Variants in HDAC8 observed in about 807,000 individuals in gnomAD.
HDAC8 encodes histone deacetylase 8.
HDAC8 carries 1 observed loss-of-function variant against 32.2 expected under a neutral mutation model. The ratio of observed to expected loss-of-function variants is 0.03; its 90% CI spans 0.01 to 0.15. HDAC8 has a LOEUF of 0.15. Ranked by LOEUF, HDAC8 falls within the 10% of genes least tolerant of loss-of-function variation. The probability of loss-of-function intolerance (pLI) is 1.00; values close to 1 mark genes in which losing one functional copy is unlikely to be tolerated. For synonymous variants in HDAC8, 108 were observed against 113.9 expected (o/e 0.95, Z 0.33); for missense variants, 117 against 300.0 (o/e 0.39, Z 4.51).
intron 4 of HDAC8, among the ~76,000 whole-genome samples, chrX:72,512,521 G>A (rs782079560): frequency 6.3e-5 from 7 of 111,802 alleles, no homozygotes; most frequent in Non-Finnish European, 1.3e-4. Context: ...TCCAAACCTC[G>A]AAGCTGTCTT....
intron 9 of HDAC8, among the ~76,000 whole-genome samples, chrX:72,358,888 T>C (rs2044451647): frequency 1.8e-5 from 2 of 111,401 alleles, no homozygotes; most frequent in Non-Finnish European, 3.8e-5. Context: ...CAGTTCACAA[T>C]AGGGTTCACA....
chrX:72,476,542 C>T (rs1214654750), intron 7 of HDAC8, among the ~76,000 whole-genome samples: 1 of 111,243 alleles, frequency 9.0e-6, no homozygotes, highest in Non-Finnish European at 1.9e-5. Context: ...CCCTTTGCAA[C>T]CCCTACAGCA....
chrX:72,360,808 G>A (rs1046966385), intron 9 of HDAC8, among the ~76,000 whole-genome samples: 2 of 112,492 alleles, frequency 1.8e-5, no homozygotes, highest in Admixed American at 1.9e-4. Flanking sequence ...GAAATTCAGT[G>A]AATACATATG....
intron 9 of HDAC8, among the ~76,000 whole-genome samples, chrX:72,387,980 AGATGACATGGG>A (rs1277830546): frequency 9.0e-6 from 1 of 111,086 alleles, no homozygotes; most frequent in Admixed American, 9.6e-5. Flanking sequence ...CTTCACAGAC[AGATGACATGGG>A]GATTGGAATT....
At chrX:72,560,691 G>A (rs1263532013) in intron 4 of HDAC8, among the ~76,000 whole-genome samples, 1 of 108,438 alleles carries the variant, frequency 9.2e-6, no homozygotes, top group Non-Finnish European at 1.9e-5. Context: ...GTTCTTTGTA[G>A]ATGGCCCTCA....
intron 7 of HDAC8, among the ~76,000 whole-genome samples, chrX:72,478,398 T>C (rs919968436): frequency 9.0e-6 from 1 of 111,495 alleles, no homozygotes; most frequent in Non-Finnish European, 1.9e-5. Flanking sequence ...TGTATTTAAA[T>C]AGGATAGATA....
chrX:72,357,405 G>T (rs2044401266), intron 9 of HDAC8, among the ~76,000 whole-genome samples: 1 of 110,165 alleles, frequency 9.1e-6, no homozygotes, highest in Non-Finnish European at 1.9e-5. Flanking sequence ...ATGGTTGCTG[G>T]GGGTGGGGGG....
chrX:72,415,015 A>T, intron 9 of HDAC8, among the ~76,000 whole-genome samples: 1 of 112,473 alleles, frequency 8.9e-6, no homozygotes, highest in East Asian at 2.8e-4. Context: ...TCCATTGTAA[A>T]TTAATGTAAC....
chrX:72,533,814 CT>C (rs1482676621), intron 4 of HDAC8, among the ~76,000 whole-genome samples: 2 of 111,353 alleles, frequency 1.8e-5, no homozygotes, highest in African/African-American at 6.5e-5. Flanking sequence ...GATCCAACAC[CT>C]TTTCACGATA....
chrX:72,463,743 G>A (rs2047931273), intron 8 of HDAC8, among the ~76,000 whole-genome samples: 1 of 111,510 alleles, frequency 9.0e-6, no homozygotes, highest in Non-Finnish European at 1.9e-5. Context: ...ATTTAATAAG[G>A]CCTCCCCACA....
At chrX:72,349,210 C>T (rs2044110219) in intron 10 of HDAC8, among the ~76,000 whole-genome samples, 1 of 112,370 alleles carries the variant, frequency 8.9e-6, no homozygotes, top group Admixed American at 9.4e-5. Context: ...ACCACATCCC[C>T]GAGGTCTTCT....
chrX:72,427,642 C>T (rs1435704275), intron 9 of HDAC8, among the ~76,000 whole-genome samples: 6 of 104,123 alleles, frequency 5.8e-5, no homozygotes, highest in Non-Finnish European at 7.9e-5. Context: ...ATACCTAATG[C>T]TAAATGACGA....
intron 9 of HDAC8, among the ~76,000 whole-genome samples, chrX:72,443,793 A>G (rs2047265477): frequency 9.1e-6 from 1 of 109,419 alleles, no homozygotes; most frequent in Non-Finnish European, 1.9e-5. Context: ...CGCTAGCAAG[A>G]CTAATAAAGA....
chrX:72,471,961 A>G (rs1212043738), intron 7 of HDAC8, among the ~76,000 whole-genome samples: 2 of 112,212 alleles, frequency 1.8e-5, no homozygotes, highest in East Asian at 5.5e-4. Flanking sequence ...GTTTTCATCT[A>G]AGAGTTTTAT....
chrX:72,567,267 G>A (rs1373396781), intron 4 of HDAC8, among the ~76,000 whole-genome samples: 2 of 112,300 alleles, frequency 1.8e-5, no homozygotes, highest in Non-Finnish European at 3.8e-5. Flanking sequence ...CCTCTGGGTT[G>A]CTACTTTCAT....
intron 4 of HDAC8, among the ~76,000 whole-genome samples, chrX:72,507,885 A>C (rs1370775043): frequency 8.9e-6 from 1 of 112,174 alleles, no homozygotes; most frequent in Non-Finnish European, 1.9e-5. Context: ...CCACAAAATC[A>C]ATCTTTAAGA....
At chrX:72,380,273 A>C (rs2045231194) in intron 9 of HDAC8, among the ~76,000 whole-genome samples, 1 of 111,823 alleles carries the variant, frequency 8.9e-6, no homozygotes, top group Non-Finnish European at 1.9e-5. Flanking sequence ...GTCTCTAATT[A>C]TTTTTGACAA....
At chrX:72,398,558 C>T in intron 9 of HDAC8, among the ~76,000 whole-genome samples, 1 of 106,107 alleles carries the variant, frequency 9.4e-6, no homozygotes, top group Middle Eastern at 4.8e-3. Context: ...TGGTCTCAAA[C>T]TCTTGGCCTC....
Position 72,329,753 on chromosome X carries a change from A to C in HDAC8, c.*301T>G. 2 of 1,146,119 alleles carry C rather than the reference A, an allele frequency of 1.7e-6. No individual in the cohort carries two copies. Among genetic ancestry groups the C allele is most frequent in the Non-Finnish European group, 2.3e-6 (2 of 858,914 alleles). 94.5% of individuals were successfully genotyped at this position (1,146,119 alleles called of 1,213,427 possible). ...GATGATTAAAATACTCCCCTCCCCA[A>C]TTCGCTTAAAAATAATTTTCAAAGA... On this transcript the variant is annotated 3_prime_UTR_variant, in exon 11 of 11. Coordinates refer to ENST00000373573, the MANE Select transcript of HDAC8 (RefSeq NM_018486.3).
Sources: gnomAD v4.1 joint callset for allele counts (sites outside exome capture counted in the v4.1 genomes callset) on GRCh38, gnomAD v4.1.1 for gene constraint, MANE v1.5 for transcripts, NCBI Gene and HGNC (gene_info 2026-07-23, HGNC 2026-07-21) for gene names.